The following DIPK1A variants were observed in gnomAD, a reference collection of about 807,000 sequenced individuals.
DIPK1A encodes divergent protein kinase domain 1A.
In DIPK1A, 27 loss-of-function variants were observed where a neutral mutation model predicts 40.8. The observed-to-expected ratio is 0.66, with a 90% CI of 0.49 to 0.91. The LOEUF is 0.91. Among genes scored for constraint, DIPK1A ranks in the 40% least tolerant of loss-of-function variants. The pLI is 0.00. For missense variants in DIPK1A, 412 were observed against 505.7 expected, an observed-to-expected ratio of 0.81 and a Z score of 1.78; for synonymous variants, 166 against 171.3, an observed-to-expected ratio of 0.97 and a Z score of 0.24.
intron 1 of DIPK1A, among the ~76,000 whole-genome samples, chr1:92,935,794 A>C (rs543694441): frequency 2.6e-5 from 4 of 152,304 alleles, no homozygotes; most frequent in Admixed American, 2.0e-4. Flanking sequence ...ATTAAAACAC[A>C]GGAAATGGCT....
chr1:92,932,137 A>T lies in DIPK1A; in HGVS notation c.54+29239T>A, dbSNP rs1018385583. 3.6e-4 allele frequency: 83 copies of T among 228,958 alleles called. No individual in the cohort carries two copies. In the Middle Eastern group the frequency reaches 5.1e-3, roughly 14 times the overall value. 14.2% of individuals were successfully genotyped at this position (228,958 alleles called of 1,614,324 possible). On this transcript the variant is annotated intron_variant, in intron 1 of 4. Coordinates refer to ENST00000370310, the MANE Select transcript of DIPK1A (RefSeq NM_001006605.5). ...AATCTACGAGCTCGCAAATATGTAA[A>T]TTTTTAAATATTATCCAACTAGGCT...
At chr1:92,833,918 CAA>C (rs1178552059) in intron 4 of DIPK1A, 2 of 472,642 alleles carry the variant, frequency 4.2e-6, no homozygotes, top group Non-Finnish European at 7.7e-6. Flanking sequence ...CCAGCCTGGG[CAA>C]TATAGTGAGA....
At chr1:92,952,451 C>A (rs1197041511) in intron 1 of DIPK1A, among the ~76,000 whole-genome samples, 1 of 152,038 alleles carries the variant, frequency 6.6e-6, no homozygotes. Context: ...GAAACCTGGT[C>A]TCTACAAAAA....
chr1:92,842,825 A>G lies in DIPK1A; in HGVS notation c.*558T>C, dbSNP rs1469915590. 1 of 985,438 alleles carries G rather than the reference A, an allele frequency of 1.0e-6. No individual in the cohort carries two copies. The highest frequency in any genetic ancestry group is 6.1e-5 in the Admixed American group (1 of 16,268). 61.0% of individuals were successfully genotyped at this position (985,438 alleles called of 1,614,324 possible). On this transcript the variant is annotated 3_prime_UTR_variant, in exon 5 of 5. Transcript: ENST00000370310. ...CACTTGAACCATTGTGAAGCTACAC[A>G]TAACTTGATGTCTGAATGAGGTTAA... is the stretch of plus-strand genomic sequence containing the variant.
chr1:92,913,952 T>A (rs1649942901), intron 1 of DIPK1A, among the ~76,000 whole-genome samples: 1 of 152,186 alleles, frequency 6.6e-6, no homozygotes, highest in South Asian at 2.1e-4. Flanking sequence ...TCTGAGGCAT[T>A]CATTCAATCA....
At chr1:92,872,615 A>G (rs1291230281) in intron 2 of DIPK1A, among the ~76,000 whole-genome samples, 2 of 152,084 alleles carry the variant, frequency 1.3e-5, no homozygotes, top group African/African-American at 4.8e-5. Flanking sequence ...TTTTTACATA[A>G]TGTCTCCAGA....
At chr1:92,849,732 T>G (rs1687752443) in intron 3 of DIPK1A, among the ~76,000 whole-genome samples, 1 of 152,066 alleles carries the variant, frequency 6.6e-6, no homozygotes, top group Non-Finnish European at 1.5e-5. Context: ...CAGGTTGGTC[T>G]TGAATGCCTG....
At chr1:92,844,936 ATTTC>A (rs1687524421) in intron 4 of DIPK1A, among the ~76,000 whole-genome samples, 2 of 130,698 alleles carry the variant, frequency 1.5e-5, no homozygotes, top group East Asian at 2.3e-4. Context: ...ATATATTAGT[ATTTC>A]TTTTTTTTTT....
chr1:92,835,069 G>C, intron 4 of DIPK1A: 3 of 1,060,082 alleles, frequency 2.8e-6, no homozygotes, highest in Non-Finnish European at 4.2e-6. Flanking sequence ...ATCTAGGTCA[G>C]CTCTTTCCAA....
intron 1 of DIPK1A, among the ~76,000 whole-genome samples, chr1:92,939,495 A>C (rs893934567): frequency 1.3e-5 from 2 of 152,192 alleles, no homozygotes; most frequent in South Asian, 4.1e-4. Context: ...AAATCATGTG[A>C]AGTAATACAT....
chr1:92,858,058 C>T (rs553588418), intron 2 of DIPK1A, among the ~76,000 whole-genome samples: 1 of 152,278 alleles, frequency 6.6e-6, no homozygotes, highest in South Asian at 2.1e-4. Flanking sequence ...TAATCAAATA[C>T]AGATAAAAAA....
intron 1 of DIPK1A, among the ~76,000 whole-genome samples, chr1:92,943,363 GGAATCTA>G (rs1236363536): frequency 6.6e-6 from 1 of 152,132 alleles, no homozygotes; most frequent in Non-Finnish European, 1.5e-5. Flanking sequence ...AATGCTAGAG[GGAATCTA>G]GAGAGCCAAT....
intron 1 of DIPK1A, among the ~76,000 whole-genome samples, chr1:92,912,848 C>G (rs535961141): frequency 6.6e-6 from 1 of 152,232 alleles, no homozygotes; most frequent in South Asian, 2.1e-4. Context: ...CGCCTACAAT[C>G]CCAGCACTTT....
At chr1:92,895,721 T>A (rs568803132) in intron 1 of DIPK1A, among the ~76,000 whole-genome samples, 1 of 152,196 alleles carries the variant, frequency 6.6e-6, no homozygotes, top group East Asian at 1.9e-4. Flanking sequence ...ATTGTCCCTG[T>A]TTGCAGATGA....
At chr1:92,917,865 T>C (rs1307411433) in intron 1 of DIPK1A, among the ~76,000 whole-genome samples, 2 of 152,176 alleles carry the variant, frequency 1.3e-5, no homozygotes, top group African/African-American at 4.8e-5. Context: ...CAGGCTAAGA[T>C]AGTCCCTGTG....
chr1:92,834,638 T>G, intron 4 of DIPK1A: 1 of 1,094,266 alleles, frequency 9.1e-7, no homozygotes, highest in Non-Finnish European at 1.4e-6. Flanking sequence ...AATTTACTGG[T>G]AACCCAGCTA....
intron 1 of DIPK1A, among the ~76,000 whole-genome samples, chr1:92,909,314 T>C (rs1175413664): frequency 6.6e-6 from 1 of 152,176 alleles, no homozygotes; most frequent in Non-Finnish European, 1.5e-5. Context: ...CACAAAATGC[T>C]ATGTGCTTTG....
intron 4 of DIPK1A, among the ~76,000 whole-genome samples, chr1:92,846,846 T>TATATATATATATATATACACACACAC (rs1557449955): frequency 0.013 from 16 of 1,280 alleles, no homozygotes; most frequent in East Asian, 0.067. Flanking sequence ...TATATATGTG[T>TATATATATATATATATACACACACAC]GTATATATAT....
At chr1:92,932,089 T>G (rs1650771933) in intron 1 of DIPK1A, 2 of 405,424 alleles carry the variant, frequency 4.9e-6, no homozygotes, top group Non-Finnish European at 9.8e-6. Context: ...CTACATAGAT[T>G]AAAATATACC....
Sources: allele counts gnomAD v4.1 joint callset (sites outside exome capture counted in the v4.1 genomes callset), GRCh38; gene constraint gnomAD v4.1.1; transcripts MANE v1.5; gene names NCBI Gene and HGNC (gene_info 2026-07-23, HGNC 2026-07-21).